Variants in DACH1 observed in about 807,000 individuals in gnomAD.
DACH1 encodes dachshund homolog 1.
A neutral mutation model predicts 54.2 loss-of-function variants in DACH1; 12 were observed. The observed-to-expected ratio is 0.22, with a 90% confidence interval of 0.14 to 0.36. The LOEUF is 0.36. Among genes scored for constraint, DACH1 ranks in the 10% least tolerant of loss-of-function variants. The probability of loss-of-function intolerance (pLI) is 1.00; values close to 1 mark genes in which losing one functional copy is unlikely to be tolerated. For missense variants in DACH1, 805 were observed against 929.8 expected (o/e 0.87, Z 1.75); for synonymous variants, 386 against 366.2 (o/e 1.05, Z -0.62).
At chr13:71,518,111 C>T (rs1005802435) in intron 6 of DACH1, among the ~76,000 whole-genome samples, 2 of 151,758 alleles carry the variant, frequency 1.3e-5, no homozygotes, top group Non-Finnish European at 2.9e-5. Context: ...AAATATGTCC[C>T]TTCAAATTGA....
intron 6 of DACH1, among the ~76,000 whole-genome samples, chr13:71,541,583 T>C (rs958819467): frequency 3.1e-4 from 47 of 152,082 alleles, no homozygotes; most frequent in African/African-American, 1.0e-3. Flanking sequence ...TCTTATTCTA[T>C]AGGTTACATT....
intron 1 of DACH1, among the ~76,000 whole-genome samples, chr13:71,801,268 C>A (rs1887277748): frequency 6.6e-6 from 1 of 152,124 alleles, no homozygotes; most frequent in Non-Finnish European, 1.5e-5. Context: ...TTCAAGCTCT[C>A]AGGATCTCTG....
chr13:71,529,105 C>T (rs1882216294), intron 6 of DACH1, among the ~76,000 whole-genome samples: 1 of 150,960 alleles, frequency 6.6e-6, no homozygotes, highest in Non-Finnish European at 1.5e-5. Flanking sequence ...AAATAAAGCA[C>T]TTCTTATGTG....
Position 71,652,989 on chromosome 13 carries a change from C to T in DACH1, c.965-22272G>A, listed in dbSNP as rs533365655. The stretch of plus-strand genomic sequence containing the variant: ...TTTATCCAAATTTGAGTCCTCCCAA[C>T]TCGAGATAAATGAGACCTCATCTTT... On this transcript the variant is annotated intron_variant, in intron 2 of 10. Coordinates refer to ENST00000613252, the MANE Select transcript of DACH1 (RefSeq NM_080759.6). Among the ~76,000 whole-genome samples, 9 of 152,272 alleles carry T rather than the reference C, an allele frequency of 5.9e-5. No homozygotes were observed. The South Asian group carries it at 1.7e-3, about 28-fold the overall frequency.
chr13:71,643,251 T>C (rs1878035572), intron 2 of DACH1, among the ~76,000 whole-genome samples: 1 of 152,200 alleles, frequency 6.6e-6, no homozygotes. Flanking sequence ...ATTCAGCCAT[T>C]TGTAATACCT....
At chr13:71,610,385 T>A (rs1356823874) in intron 3 of DACH1, among the ~76,000 whole-genome samples, 1 of 152,198 alleles carries the variant, frequency 6.6e-6, no homozygotes, top group Non-Finnish European at 1.5e-5. Flanking sequence ...TTCAAAGTGA[T>A]GTTTCTACCC....
rs747296364 is a variant in DACH1 at position 71,866,074 on chromosome 13, C to T, written c.696G>A (p.Lys232=). 4.3e-6 allele frequency: 7 copies of T among 1,613,844 alleles called. No homozygotes were observed. The highest frequency in any genetic ancestry group is 1.7e-5 in the Admixed American group (1 of 60,010). The change falls in exon 1 of 11, where the codon AAG becomes AAA. Residue 232 remains lysine, a synonymous_variant. Transcript: ENST00000613252. ...CCGGCGTGATCTCCAGCCGCTTCAG[C>T]TTGGTGTAGACCGTATGCAAGCCCC... The part of the protein sequence containing the change: ...LVGGLHTVYT[K]LKRLEITPVV...
chr13:71,866,257 G>A lies in DACH1; in HGVS notation c.513C>T (p.Pro171=). The A allele has an allele frequency of 1.9e-6, 3 of 1,603,672 alleles. No individual in the cohort carries two copies. The highest frequency in any genetic ancestry group is 2.6e-6 in the Non-Finnish European group (3 of 1,174,612). Residue 171 remains proline, a synonymous_variant, in exon 1 of 11, where the codon CCC becomes CCT. Transcript: ENST00000613252. ...SSSCGPLPGK[P]VYSTPSPVEN... is the part of the protein sequence containing the mutation. ...CCACTGGGGACGGGGTTGAGTACAC[G>A]GGTTTCCCGGGGAGGGGGCCGCAGC...
At chr13:71,569,470 T>A (rs760847095) in intron 4 of DACH1, among the ~76,000 whole-genome samples, 7 of 152,128 alleles carry the variant, frequency 4.6e-5, no homozygotes, top group Non-Finnish European at 1.0e-4. Context: ...ATATTTTTCT[T>A]TTTATTTTTT....
intron 10 of DACH1, among the ~76,000 whole-genome samples, chr13:71,469,142 G>A (rs2138157440): frequency 6.6e-6 from 1 of 152,268 alleles, no homozygotes; most frequent in Middle Eastern, 3.4e-3. Context: ...CCATTAACTA[G>A]TAGTGTGACT....
intron 4 of DACH1, among the ~76,000 whole-genome samples, chr13:71,569,474 A>C (rs1284108351): frequency 6.6e-6 from 1 of 151,878 alleles, no homozygotes; most frequent in Admixed American, 6.6e-5. Context: ...TTTTCTTTTT[A>C]TTTTTTTCCA....
Position 71,735,066 on chromosome 13 carries a change from T to C in DACH1, c.849-53156A>G, listed in dbSNP as rs1883955698. On this transcript the variant is annotated intron_variant, in intron 1 of 10. Coordinates refer to ENST00000613252, the MANE Select transcript of DACH1 (RefSeq NM_080759.6). ...GATATACGTATATGGGTGATACATA[T>C]ATATGGGATATACGTATATGGGTTA... 2.0e-5 allele frequency among the ~76,000 whole-genome samples: 3 copies of C among 150,816 alleles called. 1 individual carries two copies. The South Asian group carries it at 6.2e-4, about 31-fold the overall frequency.
chr13:71,760,331 G>GTGGCTAATGAT (rs1885352949), intron 1 of DACH1, among the ~76,000 whole-genome samples: 1 of 152,144 alleles, frequency 6.6e-6, no homozygotes, highest in South Asian at 2.1e-4. Flanking sequence ...TCCAGTATTT[G>GTGGCTAATGAT]TTCAGCATTA....
intron 4 of DACH1, among the ~76,000 whole-genome samples, chr13:71,566,415 G>A (rs901407185): frequency 3.9e-4 from 59 of 152,168 alleles, no homozygotes; most frequent in African/African-American, 1.4e-3. Context: ...CTTCATTAGG[G>A]CTTGTAATTT....
At chr13:71,493,824 A>C (rs1879188962) in intron 6 of DACH1, among the ~76,000 whole-genome samples, 1 of 152,132 alleles carries the variant, frequency 6.6e-6, no homozygotes, top group Admixed American at 6.5e-5. Context: ...TGGAGTTAGA[A>C]ATTTTAAAAG....
At chr13:71,553,524 T>C (rs1884034875) in intron 6 of DACH1, among the ~76,000 whole-genome samples, 1 of 146,124 alleles carries the variant, frequency 6.8e-6, no homozygotes, top group South Asian at 2.1e-4. Context: ...TGAACTGACA[T>C]AGATTCAAGC....
intron 1 of DACH1, among the ~76,000 whole-genome samples, chr13:71,730,788 T>C (rs1339810656): frequency 6.6e-6 from 1 of 152,104 alleles, no homozygotes; most frequent in Non-Finnish European, 1.5e-5. Flanking sequence ...CTTATCATTA[T>C]TTTTATTAGT....
At chr13:71,778,489 T>C (rs940791504) in intron 1 of DACH1, among the ~76,000 whole-genome samples, 1 of 152,146 alleles carries the variant, frequency 6.6e-6, no homozygotes, top group Non-Finnish European at 1.5e-5. Context: ...CTGTGGATTA[T>C]AGCTTTATAA....
chr13:71,811,906 A>G (rs1237344610), intron 1 of DACH1, among the ~76,000 whole-genome samples: 1 of 152,192 alleles, frequency 6.6e-6, no homozygotes, highest in Non-Finnish European at 1.5e-5. Context: ...TTATGTATTT[A>G]TAAGTTAAAG....
Sources: gnomAD v4.1 joint callset for allele counts (sites outside exome capture counted in the v4.1 genomes callset) on GRCh38, gnomAD v4.1.1 for gene constraint, MANE v1.5 for transcripts, NCBI Gene and HGNC (gene_info 2026-07-23, HGNC 2026-07-21) for gene names.